Variants in RPS6KA5 observed in about 807,000 individuals in gnomAD.
RPS6KA5 encodes ribosomal protein S6 kinase alpha-5.
A neutral mutation model predicts 85.5 loss-of-function variants in RPS6KA5; 27 were observed. That is an observed-to-expected ratio of 0.32 (90% CI 0.23 to 0.44). The LOEUF (loss-of-function observed/expected upper bound fraction) is 0.44. Among genes scored for constraint, RPS6KA5 ranks in the 20% least tolerant of loss-of-function variants. RPS6KA5 has a pLI of 1.00. For missense variants in RPS6KA5, 811 were observed against 980.9 expected (o/e 0.83, Z 2.31); for synonymous variants, 334 against 348.2 (o/e 0.96, Z 0.46).
chr14:90,957,167 C>CGA (rs1176242889), intron 3 of RPS6KA5, among the ~76,000 whole-genome samples: 1 of 152,014 alleles, frequency 6.6e-6, no homozygotes, highest in Non-Finnish European at 1.5e-5. Flanking sequence ...TGGGTTCAAG[C>CGA]GATTCTTGCG....
chr14:90,875,391 A>G, intron 14 of RPS6KA5, 31 bp from the exon 15 acceptor site: 1 of 1,598,978 alleles, frequency 6.3e-7, no homozygotes, highest in Non-Finnish European at 8.5e-7. Context: ...AAACAGAATG[A>G]CTACCCAGAT....
chr14:91,060,241 G>A (rs1219462160), intron 1 of RPS6KA5, 91 bp downstream of exon 1: 4 of 970,340 alleles, frequency 4.1e-6, no homozygotes, highest in Non-Finnish European at 4.9e-6. Context: ...CCACGGCTGC[G>A]GCCCCGCGCC....
chr14:90,914,318 T>TTG (rs1555361763), intron 7 of RPS6KA5, among the ~76,000 whole-genome samples: 6 of 142,102 alleles, frequency 4.2e-5, no homozygotes, highest in East Asian at 2.1e-4. Flanking sequence ...GGTTTTTTTT[T>TTG]TTTTTTTTTT....
chr14:90,992,282 G>A (rs2040342770), intron 2 of RPS6KA5, among the ~76,000 whole-genome samples: 1 of 152,092 alleles, frequency 6.6e-6, no homozygotes, highest in Non-Finnish European at 1.5e-5. Context: ...TCTCATAAGA[G>A]ACTACACTGT....
chr14:90,900,488 T>C, intron 10 of RPS6KA5, 123 bp downstream of exon 10: 1 of 954,548 alleles, frequency 1.0e-6, no homozygotes, highest in Non-Finnish European at 1.5e-6. Flanking sequence ...AAAATATTGC[T>C]ATATCCCACT....
Position 91,050,391 on chromosome 14 carries a change from AAC to A in RPS6KA5, c.103+9939_103+9940del, listed in dbSNP as rs1171021847. ...AGACCTTATCTTCAAAAATAACAAAAACAAAAACAAAAACAAAGCATCTTATT... is the reference window on the plus strand; with the variant it reads ...AGACCTTATCTTCAAAAATAACAAAAAAAAACAAAAACAAAGCATCTTATT... On this transcript the variant is annotated intron_variant, in intron 1 of 16. Transcript: ENST00000614987. 5.3e-5 allele frequency among the ~76,000 whole-genome samples: 8 copies of A among 152,096 alleles called. No individual in the cohort carries two copies. In the East Asian group the frequency reaches 1.5e-3, roughly 29 times the overall value.
chr14:90,918,643 T>C (rs2036245260), intron 7 of RPS6KA5, among the ~76,000 whole-genome samples: 2 of 152,230 alleles, frequency 1.3e-5, no homozygotes, highest in Admixed American at 6.5e-5. Flanking sequence ...AGTTTTATAG[T>C]TTCAGGTTTT....
At chr14:91,059,320 A>C (rs2043508701) in intron 1 of RPS6KA5, among the ~76,000 whole-genome samples, 1 of 150,802 alleles carries the variant, frequency 6.6e-6, no homozygotes, top group African/African-American at 2.4e-5. Flanking sequence ...AGCCTGAGCA[A>C]CAAGAGCGAA....
chr14:91,052,833 C>CA lies in RPS6KA5; in HGVS notation c.103+7498dup, dbSNP rs200161761. ...TGGGAACAGAGCGAGACTCCATCTCCAAAAAAAAAAAAAAAAAAAAAGCTC... is the reference window on the plus strand; with the variant it reads ...TGGGAACAGAGCGAGACTCCATCTCCAAAAAAAAAAAAAAAAAAAAAAGCTC... On this transcript the variant is annotated intron_variant, in intron 1 of 16. Coordinates refer to ENST00000614987, the MANE Select transcript of RPS6KA5 (RefSeq NM_004755.4). 7.8e-3 allele frequency among the ~76,000 whole-genome samples: 937 copies of CA among 120,070 alleles called. 12 individuals carry two copies. Among genetic ancestry groups the CA allele is most frequent in the African/African-American group, 0.022 (699 of 31,484 alleles). The allele number at this position is 120,070 out of a possible 152,430, so 78.8% of individuals were successfully genotyped here. A position where few individuals can be genotyped will look rare whatever the true frequency, so the allele number is the denominator to read the frequency against.
rs941619073 is a variant in RPS6KA5, at chr14:90,859,772, G to A, written c.*12302C>T. On this transcript the variant is annotated 3_prime_UTR_variant, in exon 17 of 17. Coordinates refer to ENST00000614987, the MANE Select transcript of RPS6KA5 (RefSeq NM_004755.4). Reference sequence around the variant, plus strand: ...ATGACTGGTTAAGAATTCTAATAAGGAAGGACATCAACCAACAGATTCAGG... The same window carrying A: ...ATGACTGGTTAAGAATTCTAATAAGAAAGGACATCAACCAACAGATTCAGG... The A allele has an allele frequency of 1.3e-5, 2 of 152,174 alleles. No individual in the cohort carries two copies. Among genetic ancestry groups the A allele is most frequent in the Non-Finnish European group, 2.9e-5 (2 of 68,040 alleles). The allele number at this position is 152,174 out of a possible 1,614,324, so 9.4% of individuals were successfully genotyped here.
chr14:90,955,271 CT>C (rs1183296520), intron 3 of RPS6KA5, among the ~76,000 whole-genome samples: 2 of 151,994 alleles, frequency 1.3e-5, no homozygotes, highest in Non-Finnish European at 2.9e-5. Flanking sequence ...AAACAATTTT[CT>C]TTTTTTAAAT....
At chr14:90,970,099 T>C (rs543130437) in intron 3 of RPS6KA5, among the ~76,000 whole-genome samples, 3 of 152,224 alleles carry the variant, frequency 2.0e-5, no homozygotes, top group Non-Finnish European at 4.4e-5. Flanking sequence ...TTCTTTTTAA[T>C]GTCATGCCAA....
At position 90,859,346 on chromosome 14, in the gene RPS6KA5, T is replaced by C. The variant is rs2032430238; in HGVS notation, c.*12728A>G. The C allele has an allele frequency of 6.6e-6, 1 of 152,100 alleles. No individual in the cohort carries two copies. The highest frequency in any genetic ancestry group is 1.5e-5 in the Non-Finnish European group (1 of 68,026). 9.4% of individuals were successfully genotyped at this position (152,100 alleles called of 1,614,324 possible). On this transcript the variant is annotated 3_prime_UTR_variant, in exon 17 of 17. Transcript: ENST00000614987. ...ATTTCACCAAACTTATAAGGCATGC[T>C]AAAAAACAGCACCAAATGACTGACA...
intron 6 of RPS6KA5, 60 bp downstream of exon 6, chr14:90,923,053 T>C: frequency 7.9e-7 from 1 of 1,263,958 alleles, no homozygotes; most frequent in Non-Finnish European, 1.1e-6. Flanking sequence ...AGTTGTTAAC[T>C]AGGATTCTTA....
At chr14:90,981,634 G>A (rs1188995035) in intron 2 of RPS6KA5, among the ~76,000 whole-genome samples, 1 of 152,188 alleles carries the variant, frequency 6.6e-6, no homozygotes, top group Non-Finnish European at 1.5e-5. Context: ...CACGTACTCT[G>A]CCAACGCAAT....
At chr14:90,895,127 C>T (rs1426050006) in intron 12 of RPS6KA5, among the ~76,000 whole-genome samples, 1 of 151,462 alleles carries the variant, frequency 6.6e-6, no homozygotes, top group African/African-American at 2.4e-5. Flanking sequence ...GAATGGGCAA[C>T]TGAGTAGGAT....
intron 12 of RPS6KA5, among the ~76,000 whole-genome samples, chr14:90,896,287 C>T (rs973009770): frequency 3.9e-5 from 6 of 152,178 alleles, no homozygotes; most frequent in African/African-American, 1.4e-4. Flanking sequence ...AGAGTTCAAC[C>T]TGGATTTGAA....
intron 4 of RPS6KA5, among the ~76,000 whole-genome samples, chr14:90,946,192 A>G (rs2037859724): frequency 6.6e-6 from 1 of 152,158 alleles, no homozygotes; most frequent in South Asian, 2.1e-4. Context: ...TACCATATCA[A>G]TAATTCCATG....
chr14:90,866,046 G>C lies in RPS6KA5; in HGVS notation c.*6028C>G, dbSNP rs867840092. ...ACGGAATTACAATTTATAAATGTAG[G>C]TCCACATGCAGATATCTTAATAAGT... On this transcript the variant is annotated 3_prime_UTR_variant, in exon 17 of 17. Coordinates refer to ENST00000614987, the MANE Select transcript of RPS6KA5 (RefSeq NM_004755.4). The C allele has an allele frequency of 6.8e-6, 1 of 146,638 alleles. No individual in the cohort carries two copies. Among genetic ancestry groups the C allele is most frequent in the Admixed American group, 7.0e-5 (1 of 14,190 alleles). 9.1% of individuals were successfully genotyped at this position (146,638 alleles called of 1,614,324 possible).
Sources: gnomAD v4.1 joint callset for allele counts (sites outside exome capture counted in the v4.1 genomes callset) on GRCh38, gnomAD v4.1.1 for gene constraint, MANE v1.5 for transcripts, NCBI Gene and HGNC (gene_info 2026-07-23, HGNC 2026-07-21) for gene names.